The following ERC1 variants were observed in gnomAD, a reference collection of about 807,000 sequenced individuals.
ERC1 encodes the protein ELKS/RAB6-interacting/CAST family member 1.
ERC1 carries 56 observed loss-of-function variants against 132.0 expected under a neutral mutation model. The ratio of observed to expected loss-of-function variants is 0.42; its 90% CI spans 0.34 to 0.53. ERC1 has a LOEUF of 0.53. ERC1 is among the 20% of genes least tolerant of loss of function. The pLI is 0.03. For synonymous variants in ERC1, 478 were observed against 476.1 expected, an observed-to-expected ratio of 1.00 and a Z score of -0.05; for missense variants, 1,202 against 1,349.9, an observed-to-expected ratio of 0.89 and a Z score of 1.72.
intron 13 of ERC1, among the ~76,000 whole-genome samples, chr12:1,245,673 C>G (rs1233290559): frequency 6.6e-6 from 1 of 152,160 alleles, no homozygotes; most frequent in Non-Finnish European, 1.5e-5. Context: ...TAAACACTGT[C>G]TTACATGTGA....
At chr12:1,440,150 C>T (rs1004214531) in intron 17 of ERC1, among the ~76,000 whole-genome samples, 11 of 151,282 alleles carry the variant, frequency 7.3e-5, no homozygotes, top group South Asian at 4.2e-4. Flanking sequence ...GTTTTTATCC[C>T]GGATAAACAA....
At chr12:1,179,755 C>T (rs1459629343) in intron 8 of ERC1, among the ~76,000 whole-genome samples, 19 of 152,164 alleles carry the variant, frequency 1.2e-4, no homozygotes, top group Admixed American at 6.5e-4. Flanking sequence ...GATCTGCCCG[C>T]CTCGGCCTCC....
At chr12:1,444,843 GC>G (rs1345444482) in intron 18 of ERC1, 93 bp downstream of exon 18, 202 of 1,183,094 alleles carry the variant, frequency 1.7e-4, no homozygotes, top group Non-Finnish European at 2.4e-4. Flanking sequence ...GAATCCAGTT[GC>G]CGTGTAGTTG....
At chr12:1,302,948 G>A (rs917905277) in intron 15 of ERC1, among the ~76,000 whole-genome samples, 1 of 152,212 alleles carries the variant, frequency 6.6e-6, no homozygotes, top group African/African-American at 2.4e-5. Flanking sequence ...GGGTGATAAA[G>A]TGAGATCTTG....
chr12:1,054,219 A>G (rs542126826), intron 2 of ERC1, among the ~76,000 whole-genome samples: 1 of 152,300 alleles, frequency 6.6e-6, no homozygotes, highest in East Asian at 1.9e-4. Context: ...TGGATTCATG[A>G]GGATTTGCCA....
intron 1 of ERC1, among the ~76,000 whole-genome samples, chr12:1,007,792 TC>T (rs374833171): frequency 0.16 from 24,807 of 151,876 alleles, 2,647 homozygotes; most frequent in African/African-American, 0.31. Context: ...AATTACAGAC[TC>T]TTAAATTCTG....
intron 14 of ERC1, among the ~76,000 whole-genome samples, chr12:1,281,865 C>T (rs949379072): frequency 1.3e-5 from 2 of 152,102 alleles, no homozygotes; most frequent in African/African-American, 2.4e-5. Context: ...CCCGTCTTAG[C>T]CTCTTTCTAA....
chr12:1,148,843 C>G (rs1950598310), intron 8 of ERC1, among the ~76,000 whole-genome samples: 3 of 152,170 alleles, frequency 2.0e-5, no homozygotes, highest in Admixed American at 2.0e-4. Context: ...CTCAGATGAT[C>G]CTCCCGCCTC....
At chr12:1,251,076 T>G (rs1347740797) in intron 13 of ERC1, among the ~76,000 whole-genome samples, 2 of 152,214 alleles carry the variant, frequency 1.3e-5, no homozygotes, top group Non-Finnish European at 2.9e-5. Context: ...TAATTTGATT[T>G]AACTCTGTCT....
intron 12 of ERC1, among the ~76,000 whole-genome samples, chr12:1,194,880 G>A (rs1956071484): frequency 7.0e-6 from 1 of 142,880 alleles, no homozygotes; most frequent in South Asian, 2.3e-4. Flanking sequence ...AGATTAATAG[G>A]AATTGTGGAT....
intron 15 of ERC1, among the ~76,000 whole-genome samples, chr12:1,301,138 A>G (rs1008831104): frequency 2.0e-5 from 3 of 149,328 alleles, no homozygotes; most frequent in African/African-American, 7.3e-5. Flanking sequence ...GAGCTAAGCT[A>G]TGAGTATGTA....
chr12:1,416,598 A>C (rs927938655), intron 17 of ERC1, among the ~76,000 whole-genome samples: 4 of 152,240 alleles, frequency 2.6e-5, no homozygotes, highest in African/African-American at 9.6e-5. Flanking sequence ...GAATTAAAGT[A>C]GTAATCAGCT....
intron 18 of ERC1, among the ~76,000 whole-genome samples, chr12:1,449,249 T>G (rs1468148139): frequency 6.6e-6 from 1 of 152,168 alleles, no homozygotes; most frequent in Non-Finnish European, 1.5e-5. Flanking sequence ...GACTTTGGAC[T>G]TGGACTTTTG....
chr12:1,141,085 A>C (rs1949819150), intron 7 of ERC1, among the ~76,000 whole-genome samples: 1 of 152,180 alleles, frequency 6.6e-6, no homozygotes, highest in South Asian at 2.1e-4. Flanking sequence ...ATTAAACTTC[A>C]GGGATAAAGG....
intron 12 of ERC1, among the ~76,000 whole-genome samples, chr12:1,223,916 C>T (rs1342301679): frequency 6.6e-6 from 1 of 152,038 alleles, no homozygotes; most frequent in African/African-American, 2.4e-5. Flanking sequence ...ATCCATGGCA[C>T]CTCACGATAG....
At chr12:1,125,280 C>A (rs951340601) in intron 7 of ERC1, among the ~76,000 whole-genome samples, 2 of 151,984 alleles carry the variant, frequency 1.3e-5, no homozygotes, top group African/African-American at 4.8e-5. Flanking sequence ...AGGCATGAGC[C>A]ACCGCGCCCA....
intron 15 of ERC1, among the ~76,000 whole-genome samples, chr12:1,327,734 C>G (rs2082552771): frequency 6.6e-6 from 1 of 152,204 alleles, no homozygotes; most frequent in South Asian, 2.1e-4. Flanking sequence ...GTGGTTTACT[C>G]TAGCCCATAT....
chr12:1,092,001 CTTT>C (rs34377863), intron 3 of ERC1, among the ~76,000 whole-genome samples: 6 of 138,024 alleles, frequency 4.3e-5, no homozygotes, highest in Non-Finnish European at 6.3e-5. Context: ...TTAATCAATT[CTTT>C]TTTTTTTTTT....
intron 2 of ERC1, among the ~76,000 whole-genome samples, chr12:1,073,175 C>CTT (rs904122271): frequency 2.0e-5 from 3 of 152,044 alleles, no homozygotes; most frequent in Non-Finnish European, 4.4e-5. Flanking sequence ...TGGCTGTGCA[C>CTT]TTGTAGTCCC....
Sources: allele counts gnomAD v4.1 joint callset (sites outside exome capture counted in the v4.1 genomes callset), GRCh38; gene constraint gnomAD v4.1.1; transcripts MANE v1.5; gene names NCBI Gene and HGNC (gene_info 2026-07-23, HGNC 2026-07-21).